Variants in GINM1 observed in about 807,000 individuals in gnomAD.
The protein encoded by GINM1 is glycoprotein integral membrane protein 1.
Under a neutral mutation model 37.8 loss-of-function variants are expected in GINM1, and 29 were observed. The observed-to-expected ratio is 0.77, with a 90% CI of 0.57 to 1.05. The LOEUF is 1.05. Ranked by LOEUF, GINM1 falls within the 50% of genes least tolerant of loss-of-function variation. GINM1 has a pLI of 0.00. For missense variants in GINM1, 377 were observed against 397.9 expected, an observed-to-expected ratio of 0.95 and a Z score of 0.45; for synonymous variants, 143 against 146.2, an observed-to-expected ratio of 0.98 and a Z score of 0.16.
intron 7 of GINM1, among the ~76,000 whole-genome samples, chr6:149,582,998 C>T (rs1240883917): frequency 6.6e-6 from 1 of 152,014 alleles, no homozygotes; most frequent in African/African-American, 2.4e-5. Context: ...AGTAGACAAG[C>T]AGGATATTCA....
At position 149,566,637 on chromosome 6, in the gene GINM1, C is replaced by CGG; in HGVS notation, c.120+107_120+108dup. The CGG allele has an allele frequency of 2.2e-6, 3 of 1,340,072 alleles. No individual in the cohort carries two copies. Among genetic ancestry groups the CGG allele is most frequent in the Non-Finnish European group, 2.9e-6 (3 of 1,036,310 alleles). 83.0% of individuals were successfully genotyped at this position (1,340,072 alleles called of 1,614,324 possible). ...CCCACATCCCACCGGCGGGCAGGGG[C>CGG]GGGGGTCCGGGCCCCCGAAGGAGGT... On this transcript the variant is annotated intron_variant, in intron 1 of 7. Transcript: ENST00000367419. This position sits in a 1 kb window ranked among gnomAD's most constrained non-coding sequence, Gnocchi z 4.4.
chr6:149,572,372 A>G, intron 2 of GINM1, 28 bp downstream of exon 2: 8 of 1,487,892 alleles, frequency 5.4e-6, no homozygotes, highest in Admixed American at 1.9e-5. Context: ...GTTTTAATAT[A>G]TAATTTAGCT....
Position 149,566,379 on chromosome 6 carries a change from C to G in GINM1, c.-36C>G. The G allele has an allele frequency of 6.7e-7, 1 of 1,492,164 alleles. No individual in the cohort carries two copies. Among genetic ancestry groups the G allele is most frequent in the South Asian group, 1.3e-5 (1 of 78,920 alleles). The allele number at this position is 1,492,164 out of a possible 1,614,324, so 92.4% of individuals were successfully genotyped here. A position where few individuals can be genotyped will look rare whatever the true frequency, so the allele number is the denominator to read the frequency against. On this transcript the variant is annotated 5_prime_UTR_variant, in exon 1 of 8. Coordinates refer to ENST00000367419, the MANE Select transcript of GINM1 (RefSeq NM_138785.5). The surrounding 1 kb of genome is among the most constrained non-coding windows in gnomAD (Gnocchi z 4.4). ...CCGCGGGCCGGCTCCGCCCTCACCT[C>G]CCGGCCGCGGCTGCCCTCTGCCCGG...
At chr6:149,589,755 A>G (rs1162966936) in intron 7 of GINM1, among the ~76,000 whole-genome samples, 2 of 151,972 alleles carry the variant, frequency 1.3e-5, no homozygotes, top group Non-Finnish European at 2.9e-5. Context: ...CTAGTGATCT[A>G]TTTGTCTATT....
Position 149,578,825 on chromosome 6 carries a change from A to T in GINM1, c.281A>T (p.Lys94Met). 6.4e-7 allele frequency: 1 copy of T among 1,568,320 alleles called. No homozygotes were observed. The highest frequency in any genetic ancestry group is 1.8e-5 in the Admixed American group (1 of 54,836). The change falls in exon 4 of 8, where the codon AAG becomes ATG. Residue 94 changes from lysine (K) to methionine (M), a missense_variant. Lys to Met is a moderately conservative substitution (Grantham distance 95). Transcript: ENST00000367419. ...GTCACTACTTTTTTTTTTATAGTGA[A>T]GAATGAAAATCTTGAAAATTTGGAG... ...TRISCQTLIV[K>M]NENLENLEEK... is the part of the protein sequence containing the mutation.
chr6:149,567,994 T>G (rs1468980470), intron 1 of GINM1, among the ~76,000 whole-genome samples: 1 of 152,284 alleles, frequency 6.6e-6, no homozygotes, highest in South Asian at 2.1e-4. Context: ...AAAATACATT[T>G]TGACTGCAGG....
intron 3 of GINM1, 93 bp from the exon 4 acceptor site, chr6:149,578,729 T>C: frequency 1.2e-6 from 1 of 842,920 alleles, no homozygotes; most frequent in South Asian, 1.9e-5. Context: ...TTCAACTGTC[T>C]TGTTCCATGT....
intron 7 of GINM1, among the ~76,000 whole-genome samples, chr6:149,588,062 T>C (rs1778100524): frequency 6.6e-6 from 1 of 152,238 alleles, no homozygotes; most frequent in African/African-American, 2.4e-5. Context: ...ATTTCCAATT[T>C]CATGTTAATC....
chr6:149,589,054 T>G (rs1307872523), intron 7 of GINM1, among the ~76,000 whole-genome samples: 1 of 152,020 alleles, frequency 6.6e-6, no homozygotes, highest in Non-Finnish European at 1.5e-5. Flanking sequence ...CCCACCCGTC[T>G]CGGCCTCCCA....
chr6:149,590,151 G>T (rs954039355), intron 7 of GINM1, among the ~76,000 whole-genome samples: 1 of 152,060 alleles, frequency 6.6e-6, no homozygotes, highest in Non-Finnish European at 1.5e-5. Flanking sequence ...AGACAACTTT[G>T]TCTTCTCCCC....
chr6:149,571,044 G>A (rs1042505959), intron 1 of GINM1, among the ~76,000 whole-genome samples: 101 of 152,186 alleles, frequency 6.6e-4, no homozygotes, highest in African/African-American at 2.0e-3. Context: ...GGTCAGGTGC[G>A]GTGGCTCACG....
chr6:149,586,309 C>G lies in GINM1; in HGVS notation c.881+3706C>G, dbSNP rs557002161. On this transcript the variant is annotated intron_variant, in intron 7 of 7. Coordinates refer to ENST00000367419, the MANE Select transcript of GINM1 (RefSeq NM_138785.5). ...AGGAACAGCAGGGGGGTGTCAGGCT[C>G]TTTTTAACAACCAGGTCTCCAGGGA... Among the ~76,000 whole-genome samples, 154 of 152,214 alleles carry G rather than the reference C, an allele frequency of 1.0e-3. 5 individuals are homozygous for G. The South Asian group carries it at 0.031, about 30-fold the overall frequency.
intron 3 of GINM1, chr6:149,576,189 C>G (rs1777911625): frequency 6.6e-6 from 1 of 152,116 alleles, no homozygotes; most frequent in South Asian, 2.1e-4. Flanking sequence ...CCAGCTCACT[C>G]ATGTGGTTGT....
Position 149,582,469 on chromosome 6 carries a change from A to C in GINM1, c.747A>C (p.Arg249Ser). The C allele has an allele frequency of 6.2e-7, 1 of 1,607,880 alleles. No homozygotes were observed. Among genetic ancestry groups the C allele is most frequent in the Non-Finnish European group, 8.5e-7 (1 of 1,178,812 alleles). Reference sequence around the variant, plus strand: ...TGTGTCAGTGGATGGAAAAGTTTAGAAAAGATCTGTGTAGGTTCTGGAGCA... The same window carrying C: ...TGTGTCAGTGGATGGAAAAGTTTAGCAAAGATCTGTGTAGGTTCTGGAGCA... Reference protein sequence around the residue: ...KVMCQWMEKFRKDLCRFWSNV... With the variant: ...KVMCQWMEKFSKDLCRFWSNV... Residue 249 changes from arginine (R) to serine (S), a missense_variant, in exon 7 of 8, where the codon AGA becomes AGC. Transcript: ENST00000367419.
chr6:149,573,722 T>A (rs951449815), intron 3 of GINM1, among the ~76,000 whole-genome samples: 10 of 151,664 alleles, frequency 6.6e-5, no homozygotes, highest in African/African-American at 2.2e-4. Context: ...CAAAAATAAA[T>A]TAGCTGGGTG....
At chr6:149,574,047 A>ATTTTT (rs35023561) in intron 3 of GINM1, among the ~76,000 whole-genome samples, 2 of 129,340 alleles carry the variant, frequency 1.5e-5, no homozygotes, top group Non-Finnish European at 3.2e-5. Flanking sequence ...TATACATAGG[A>ATTTTT]TTTTTTTTTT....
chr6:149,584,880 T>C (rs1162998799), intron 7 of GINM1, among the ~76,000 whole-genome samples: 1 of 151,750 alleles, frequency 6.6e-6, no homozygotes. Flanking sequence ...AGGTTGGTCT[T>C]GAACTCTTGG....
intron 7 of GINM1, among the ~76,000 whole-genome samples, chr6:149,588,634 G>C (rs1457168829): frequency 6.6e-6 from 1 of 151,860 alleles, no homozygotes; most frequent in Non-Finnish European, 1.5e-5. Context: ...TTTGTTTTTT[G>C]TTTTTTAAAG....
intron 7 of GINM1, among the ~76,000 whole-genome samples, chr6:149,583,124 C>A (rs749898431): frequency 2.0e-5 from 3 of 151,834 alleles, no homozygotes; most frequent in Non-Finnish European, 4.4e-5. Context: ...GTCAAGAGAT[C>A]GAGACCATCC....
Sources: allele counts gnomAD v4.1 joint callset (sites outside exome capture counted in the v4.1 genomes callset), GRCh38; gene constraint gnomAD v4.1.1; non-coding constraint Gnocchi (gnomAD v3.1); transcripts MANE v1.5; gene names NCBI Gene and HGNC (gene_info 2026-07-23, HGNC 2026-07-21).